WDR64: variants seen among roughly 807,000 people sequenced by gnomAD.
WDR64 encodes the protein WD repeat domain 64.
In WDR64, 112 loss-of-function variants were observed where a neutral mutation model predicts 139.3. The observed-to-expected ratio is 0.80, with a 90% CI of 0.69 to 0.94. WDR64 has a LOEUF of 0.94. Ranked by LOEUF, WDR64 falls within the 40% of genes least tolerant of loss-of-function variation. The pLI, the probability that WDR64 is intolerant of heterozygous loss-of-function variation, is 0.00. For missense variants in WDR64, 1,206 were observed against 1,293.1 expected (o/e 0.93, Z 1.03); for synonymous variants, 444 against 437.7 (o/e 1.01, Z -0.18).
In WDR64 at chr1:241,715,616, G is replaced by A. The variant is rs922455358; in HGVS notation, c.1054+3735G>A. 2.0e-5 allele frequency among the ~76,000 whole-genome samples: 3 copies of A among 152,150 alleles called. 1 individual carries two copies. Among genetic ancestry groups the A allele is most frequent in the Admixed American group, 2.0e-4 (3 of 15,278 alleles). ...CTCTTTCAATGCAAACCCTGCACAT[G>A]AAACCCTTTGAAAAAGCAGTACGTA... On this transcript the variant is annotated intron_variant, in intron 9 of 27. Transcript: ENST00000437684.
At chr1:241,704,107 A>G (rs1574024477) in intron 8 of WDR64, among the ~76,000 whole-genome samples, 1 of 152,116 alleles carries the variant, frequency 6.6e-6, no homozygotes, top group Non-Finnish European at 1.5e-5. Context: ...ATGGGCCCAC[A>G]TTGTACACGA....
intron 8 of WDR64, among the ~76,000 whole-genome samples, chr1:241,692,108 T>C (rs142669003): frequency 2.0e-4 from 30 of 150,198 alleles, no homozygotes; most frequent in Admixed American, 1.7e-3. Context: ...TAACAAAATA[T>C]GCAAGATCCA....
chr1:241,735,161 T>C (rs1397569727), intron 10 of WDR64, among the ~76,000 whole-genome samples: 2 of 152,214 alleles, frequency 1.3e-5, no homozygotes, highest in Non-Finnish European at 2.9e-5. Flanking sequence ...AATATTACAA[T>C]GAATATACCC....
At chr1:241,766,430 G>T in intron 16 of WDR64, 79 bp downstream of exon 16, 1 of 1,490,098 alleles carries the variant, frequency 6.7e-7, no homozygotes. Flanking sequence ...TCAGGGAAGG[G>T]CTGGGCGCGG....
chr1:241,690,085 G>T (rs1419160986), intron 8 of WDR64, among the ~76,000 whole-genome samples: 6 of 152,054 alleles, frequency 3.9e-5, no homozygotes, highest in Non-Finnish European at 8.8e-5. Flanking sequence ...CCAAACCCCA[G>T]ATCCAGTAAT....
At chr1:241,784,794 G>A (rs1181040403) in intron 23 of WDR64, among the ~76,000 whole-genome samples, 3 of 151,310 alleles carry the variant, frequency 2.0e-5, no homozygotes, top group Non-Finnish European at 4.4e-5. Context: ...TCTCTACTGC[G>A]AATACAAAAA....
chr1:241,683,430 A>T lies in WDR64; in HGVS notation c.625-57A>T, dbSNP rs890449148. On this transcript the variant is annotated intron_variant, in intron 6 of 27. Transcript: ENST00000437684. ...GAAATTTTTGTCAAATAATAGGGGAAATATTTATTGAACAGAGCAAAGTAA... is the reference window on the plus strand; with the variant it reads ...GAAATTTTTGTCAAATAATAGGGGATATATTTATTGAACAGAGCAAAGTAA... 11 of 1,489,670 alleles carry T rather than the reference A, an allele frequency of 7.4e-6. No individual in the cohort carries two copies. In the East Asian group the frequency reaches 9.9e-5, roughly 13 times the overall value. The allele number at this position is 1,489,670 out of a possible 1,614,324, so 92.3% of individuals were successfully genotyped here. A position where few individuals can be genotyped will look rare whatever the true frequency, so the allele number is the denominator to read the frequency against.
chr1:241,762,220 C>T (rs543128282), intron 15 of WDR64, among the ~76,000 whole-genome samples: 2 of 152,144 alleles, frequency 1.3e-5, no homozygotes, highest in Non-Finnish European at 2.9e-5. Flanking sequence ...CTGTATTCAC[C>T]GGCATGAAAA....
chr1:241,668,897 CAAA>C (rs71570905), intron 2 of WDR64, among the ~76,000 whole-genome samples: 1 of 135,508 alleles, frequency 7.4e-6, no homozygotes. Flanking sequence ...AAGACTCCGT[CAAA>C]AAAAAAAAAA....
At chr1:241,665,985 T>C (rs1356255822) in intron 2 of WDR64, among the ~76,000 whole-genome samples, 1 of 152,188 alleles carries the variant, frequency 6.6e-6, no homozygotes. Context: ...ATAAGCTGCA[T>C]GCAGGTTTTT....
intron 24 of WDR64, among the ~76,000 whole-genome samples, chr1:241,789,484 G>A (rs1388387458): frequency 6.6e-6 from 1 of 152,196 alleles, no homozygotes; most frequent in Non-Finnish European, 1.5e-5. Context: ...ACCTAGGTAT[G>A]CATCAGTGGT....
chr1:241,752,426 T>C (rs759781755), intron 14 of WDR64, among the ~76,000 whole-genome samples: 3 of 152,194 alleles, frequency 2.0e-5, no homozygotes, highest in Non-Finnish European at 4.4e-5. Flanking sequence ...CCTCACTTGG[T>C]AAAATTGAAT....
At chr1:241,758,957 T>C (rs1670318010) in intron 15 of WDR64, among the ~76,000 whole-genome samples, 1 of 152,230 alleles carries the variant, frequency 6.6e-6, no homozygotes, top group Admixed American at 6.5e-5. Context: ...TGCACTGATA[T>C]TCCCAATTCA....
chr1:241,713,410 GAA>G (rs1668264956), intron 9 of WDR64, among the ~76,000 whole-genome samples: 1 of 109,836 alleles, frequency 9.1e-6, no homozygotes, highest in African/African-American at 3.2e-5. Context: ...AGGGAGGGAG[GAA>G]GGGAAGGAAG....
intron 15 of WDR64, among the ~76,000 whole-genome samples, chr1:241,765,187 G>GA (rs61516761): frequency 1.2e-4 from 18 of 146,934 alleles, no homozygotes; most frequent in East Asian, 6.0e-4. Context: ...ATCTGTCTCT[G>GA]AAAAAAAAAA....
At chr1:241,773,547 G>A (rs1658539620) in intron 20 of WDR64, among the ~76,000 whole-genome samples, 2 of 152,048 alleles carry the variant, frequency 1.3e-5, no homozygotes, top group African/African-American at 4.8e-5. Flanking sequence ...TCAGCTCACC[G>A]CAACCTCCAC....
intron 7 of WDR64, among the ~76,000 whole-genome samples, chr1:241,683,977 G>C (rs1666915826): frequency 6.6e-6 from 1 of 151,528 alleles, no homozygotes; most frequent in African/African-American, 2.4e-5. Flanking sequence ...AAAACTTACA[G>C]GTACTTGAGT....
At chr1:241,679,075 T>C (rs1040878276) in intron 5 of WDR64, among the ~76,000 whole-genome samples, 9 of 152,156 alleles carry the variant, frequency 5.9e-5, no homozygotes, top group Admixed American at 2.0e-4. Context: ...CCACTTATCA[T>C]GGACCAGGTA....
intron 25 of WDR64, among the ~76,000 whole-genome samples, chr1:241,791,864 GTTC>G (rs1231292766): frequency 1.3e-5 from 2 of 152,176 alleles, no homozygotes; most frequent in African/African-American, 4.8e-5. Context: ...TTTGGTAGCT[GTTC>G]TTCTACCTTT....
Sources: gnomAD v4.1 joint callset for allele counts (sites outside exome capture counted in the v4.1 genomes callset) on GRCh38, gnomAD v4.1.1 for gene constraint, MANE v1.5 for transcripts, NCBI Gene and HGNC (gene_info 2026-07-23, HGNC 2026-07-21) for gene names.